Variants in NHSL2 observed in about 807,000 individuals in gnomAD.
NHSL2 encodes NHS like 2.
A neutral mutation model predicts 53.4 loss-of-function variants in NHSL2; 27 were observed. The observed-to-expected ratio is 0.51, with a 90% CI of 0.37 to 0.70. The LOEUF (loss-of-function observed/expected upper bound fraction) is 0.70. Among genes scored for constraint, NHSL2 ranks in the 30% least tolerant of loss-of-function variants. The probability of loss-of-function intolerance (pLI) is 0.00; values close to 1 mark genes in which losing one functional copy is unlikely to be tolerated. For synonymous variants in NHSL2, 408 were observed against 404.1 expected (o/e 1.01, Z -0.12); for missense variants, 892 against 980.1 (o/e 0.91, Z 1.20).
intron 1 of NHSL2, among the ~76,000 whole-genome samples, chrX:72,112,324 C>A (rs1389483286): frequency 9.0e-6 from 1 of 111,504 alleles, no homozygotes; most frequent in Non-Finnish European, 1.9e-5. Flanking sequence ...TTACTTCTTT[C>A]TTTACTAATA....
intron 1 of NHSL2, among the ~76,000 whole-genome samples, chrX:71,979,789 G>T (rs1280160001): frequency 9.0e-6 from 1 of 110,810 alleles, no homozygotes; most frequent in African/African-American, 3.3e-5. Flanking sequence ...GTCAATTTTG[G>T]CTTTTGTTGC....
At chrX:71,960,973 T>C (rs1220428290) in intron 1 of NHSL2, among the ~76,000 whole-genome samples, 1 of 112,389 alleles carries the variant, frequency 8.9e-6, no homozygotes, top group Admixed American at 9.4e-5. Context: ...TCGGTAGTAT[T>C]GACATCTTAA....
At chrX:72,035,424 C>A (rs2042236325) in intron 1 of NHSL2, among the ~76,000 whole-genome samples, 1 of 111,714 alleles carries the variant, frequency 9.0e-6, no homozygotes, top group African/African-American at 3.3e-5. Flanking sequence ...TGATGATTTT[C>A]TGTCTAGTAT....
At chrX:72,019,442 G>A (rs1420075221) in intron 1 of NHSL2, among the ~76,000 whole-genome samples, 1 of 112,431 alleles carries the variant, frequency 8.9e-6, no homozygotes, top group Non-Finnish European at 1.9e-5. Context: ...AACACTGGCT[G>A]AATGAACAAA....
chrX:72,028,431 T>A (rs765576433), intron 1 of NHSL2, among the ~76,000 whole-genome samples: 52 of 112,025 alleles, frequency 4.6e-4, no homozygotes, highest in African/African-American at 1.7e-3. Context: ...ATTCATTCAT[T>A]TATTTGTGTA....
intron 1 of NHSL2, among the ~76,000 whole-genome samples, chrX:71,944,516 G>T (rs187746748): frequency 1.6e-3 from 179 of 112,138 alleles, no homozygotes; most frequent in African/African-American, 5.6e-3. Flanking sequence ...GGAAGGTCAA[G>T]CTGGTCATAT....
Position 72,147,153 on chromosome X carries a change from A to G in NHSL2, c.*3579A>G, listed in dbSNP as rs184013544. ...CACGCACCTGCCCTCTTCCTCATCAATGAACAAGTTGGGAAAAAGATGAGT... is the reference window on the plus strand; with the variant it reads ...CACGCACCTGCCCTCTTCCTCATCAGTGAACAAGTTGGGAAAAAGATGAGT... On this transcript the variant is annotated 3_prime_UTR_variant, in exon 8 of 8. Transcript: ENST00000633930. 2 of 112,076 alleles carry G rather than the reference A, an allele frequency of 1.8e-5. No individual in the cohort carries two copies. Among genetic ancestry groups the G allele is most frequent in the Admixed American group, 9.4e-5 (1 of 10,598 alleles). 9.2% of individuals were successfully genotyped at this position (112,076 alleles called of 1,213,427 possible).
intron 1 of NHSL2, among the ~76,000 whole-genome samples, chrX:71,913,336 G>C (rs1259480337): frequency 8.9e-6 from 1 of 111,839 alleles, no homozygotes; most frequent in Non-Finnish European, 1.9e-5. Context: ...CTCAGCAATG[G>C]TCTGAACATA....
chrX:71,955,116 T>C (rs779937055), intron 1 of NHSL2, among the ~76,000 whole-genome samples: 3 of 111,564 alleles, frequency 2.7e-5, no homozygotes, highest in African/African-American at 9.8e-5. Context: ...CTCCCACCTC[T>C]GCCTATTAAG....
At chrX:71,953,185 T>C (rs1261602849) in intron 1 of NHSL2, among the ~76,000 whole-genome samples, 2 of 111,250 alleles carry the variant, frequency 1.8e-5, no homozygotes, top group African/African-American at 6.6e-5. Context: ...TTGGGCCCTC[T>C]GGCTCTAAAC....
At chrX:71,994,630 A>T (rs1420980279) in intron 1 of NHSL2, among the ~76,000 whole-genome samples, 1 of 111,837 alleles carries the variant, frequency 8.9e-6, no homozygotes, top group African/African-American at 3.3e-5. Context: ...AAAAAAAGGA[A>T]TGAGATGCTG....
intron 1 of NHSL2, among the ~76,000 whole-genome samples, chrX:71,929,294 G>A (rs2041701318): frequency 8.9e-6 from 1 of 112,267 alleles, no homozygotes; most frequent in Non-Finnish European, 1.9e-5. Flanking sequence ...CAAATTACAA[G>A]ATCTAGCGCT....
chrX:72,100,473 A>G (rs1232223476), intron 1 of NHSL2, among the ~76,000 whole-genome samples: 3 of 112,166 alleles, frequency 2.7e-5, no homozygotes, highest in Non-Finnish European at 3.8e-5. Flanking sequence ...CAGTTGTCAT[A>G]TATGCAGTCC....
intron 1 of NHSL2, among the ~76,000 whole-genome samples, chrX:72,107,655 G>C (rs2042057244): frequency 2.7e-5 from 3 of 112,093 alleles, no homozygotes; most frequent in South Asian, 3.7e-4. Context: ...GAGTCCCGGG[G>C]GGGTGTTGGA....
At chrX:72,013,617 C>A (rs2042124800) in intron 1 of NHSL2, among the ~76,000 whole-genome samples, 1 of 108,566 alleles carries the variant, frequency 9.2e-6, no homozygotes, top group African/African-American at 3.4e-5. Flanking sequence ...GAGATCCTTG[C>A]CTTGTTTCCA....
At chrX:72,042,974 C>G (rs1051338287) in intron 1 of NHSL2, among the ~76,000 whole-genome samples, 1 of 111,415 alleles carries the variant, frequency 9.0e-6, no homozygotes, top group Non-Finnish European at 1.9e-5. Flanking sequence ...TGGTTACCCT[C>G]TCACTCCCCA....
intron 1 of NHSL2, among the ~76,000 whole-genome samples, chrX:72,115,015 G>T (rs996986840): frequency 8.9e-6 from 1 of 111,830 alleles, no homozygotes; most frequent in African/African-American, 3.3e-5. Context: ...AATTGCCCTG[G>T]AATGCAGACA....
At position 72,044,834 on chromosome X, in the gene NHSL2, C is replaced by T. The variant is rs2042296493; in HGVS notation, c.281-87245C>T. On this transcript the variant is annotated intron_variant, in intron 1 of 7. Coordinates refer to ENST00000633930, the MANE Select transcript of NHSL2 (RefSeq NM_001013627.3). ...CGTGAAGCCTGCAAGGACCGAACAC[C>T]CCCACCCCGATTTAGACCTGCGGGT... 3.6e-6 allele frequency: 4 copies of T among 1,106,234 alleles called. No homozygotes were observed. In the African/African-American group the frequency reaches 5.4e-5, roughly 15 times the overall value. The allele number at this position is 1,106,234 out of a possible 1,213,427, so 91.2% of individuals were successfully genotyped here.
intron 6 of NHSL2, 82 bp downstream of exon 6, chrX:72,140,853 T>G: frequency 1.2e-6 from 1 of 815,686 alleles, no homozygotes; most frequent in Non-Finnish European, 1.7e-6. Flanking sequence ...TGGAAGCAGA[T>G]GCCCCAGAAT....
Sources: allele counts gnomAD v4.1 joint callset (sites outside exome capture counted in the v4.1 genomes callset), GRCh38; gene constraint gnomAD v4.1.1; transcripts MANE v1.5; gene names NCBI Gene and HGNC (gene_info 2026-07-23, HGNC 2026-07-21).